Variants in MAP2 observed in about 807,000 individuals in gnomAD.
The protein encoded by MAP2 is microtubule-associated protein 2.
In MAP2, 14 loss-of-function variants were observed where a neutral mutation model predicts 137.6. That is an observed-to-expected ratio of 0.10 (90% CI 0.07 to 0.16). MAP2 has a LOEUF of 0.16. Ranked by LOEUF, MAP2 falls within the 10% of genes least tolerant of loss-of-function variation. The pLI is 1.00. For missense variants in MAP2, 2,088 were observed against 2,191.5 expected (o/e 0.95, Z 0.94); for synonymous variants, 786 against 782.3 (o/e 1.00, Z -0.08).
chr2:209,540,887 C>T (rs1485493045), intron 2 of MAP2, among the ~76,000 whole-genome samples: 3 of 150,496 alleles, frequency 2.0e-5, no homozygotes, highest in East Asian at 1.9e-4. Context: ...CTAGCTGCCA[C>T]GATAAAGCAA....
intron 7 of MAP2, among the ~76,000 whole-genome samples, chr2:209,686,163 C>T (rs1226690883): frequency 1.3e-5 from 2 of 152,130 alleles, no homozygotes; most frequent in African/African-American, 4.8e-5. Flanking sequence ...TGCTCAGCTG[C>T]GAAATCGTGC....
intron 15 of MAP2, 44 bp downstream of exon 15, chr2:209,730,006 A>C: frequency 7.1e-7 from 1 of 1,415,446 alleles, no homozygotes; most frequent in Non-Finnish European, 9.9e-7. Flanking sequence ...TTTAAAAAAA[A>C]TTCTTCTGAA....
At chr2:209,680,618 A>G (rs1004863706) in intron 6 of MAP2, 132 bp from the exon 7 acceptor site, 1 of 748,384 alleles carries the variant, frequency 1.3e-6, no homozygotes, top group Non-Finnish European at 2.3e-6. Flanking sequence ...AATAAACCAA[A>G]TGCGGCTTAC....
chr2:209,458,884 T>A (rs1264333919), intron 1 of MAP2, among the ~76,000 whole-genome samples: 2 of 152,080 alleles, frequency 1.3e-5, no homozygotes, highest in Non-Finnish European at 2.9e-5. Context: ...AGTCTTTTCA[T>A]ATGTCAAGCA....
At chr2:209,662,821 G>A (rs571783907) in intron 5 of MAP2, among the ~76,000 whole-genome samples, 1 of 151,592 alleles carries the variant, frequency 6.6e-6, no homozygotes, top group South Asian at 2.1e-4. Context: ...ATATTTCGGA[G>A]TATTTTCTCC....
chr2:209,570,222 A>AT (rs2074162063), intron 2 of MAP2, among the ~76,000 whole-genome samples: 1 of 151,878 alleles, frequency 6.6e-6, no homozygotes, highest in Non-Finnish European at 1.5e-5. Context: ...TGTTTAATTT[A>AT]TCTCTTCCCT....
intron 1 of MAP2, among the ~76,000 whole-genome samples, chr2:209,500,096 T>A (rs1368944375): frequency 6.6e-6 from 1 of 152,206 alleles, no homozygotes; most frequent in African/African-American, 2.4e-5. Flanking sequence ...CCTGGACTTC[T>A]GAAGGAGCCA....
chr2:209,725,818 G>A, intron 14 of MAP2, 28 bp downstream of exon 14: 1 of 1,480,748 alleles, frequency 6.8e-7, no homozygotes, highest in Non-Finnish European at 9.2e-7. Context: ...AGTAGTTTGA[G>A]AAATATTTAA....
chr2:209,477,268 A>G (rs1442516605), intron 1 of MAP2, among the ~76,000 whole-genome samples: 1 of 152,206 alleles, frequency 6.6e-6, no homozygotes, highest in Admixed American at 6.5e-5. Flanking sequence ...AGGGTATGCC[A>G]TAGCCTGGGC....
chr2:209,709,679 A>C (rs2064778478), intron 12 of MAP2, among the ~76,000 whole-genome samples: 1 of 152,172 alleles, frequency 6.6e-6, no homozygotes. Context: ...TCAGAAAAAA[A>C]AAATCAGGTT....
At position 209,590,686 on chromosome 2, in the gene MAP2, A is replaced by G. The variant is rs142077938; in HGVS notation, c.-107+10586A>G. ...GAAAGTTGACTTCCTTAGTCATACC[A>G]TGTTTCAAGCGCTTGATAGCCACAT... On this transcript the variant is annotated intron_variant, in intron 3 of 15. Coordinates refer to ENST00000682079, the MANE Select transcript of MAP2 (RefSeq NM_001375505.1). 9.5e-4 allele frequency among the ~76,000 whole-genome samples: 145 copies of G among 152,334 alleles called. 2 individuals carry two copies. The East Asian group carries it at 0.026, about 27-fold the overall frequency.
chr2:209,631,640 A>G (rs1476114082), intron 4 of MAP2, among the ~76,000 whole-genome samples: 1 of 152,082 alleles, frequency 6.6e-6, no homozygotes, highest in Non-Finnish European at 1.5e-5. Flanking sequence ...GCAGCATAAT[A>G]CCTGCCTAAT....
rs2053005586 is a variant in MAP2, at chr2:209,678,507, A to G, written c.263-65A>G. On this transcript the variant is annotated intron_variant, in intron 5 of 15. Transcript: ENST00000682079. Reference sequence around the variant, plus strand: ...TTATAATCCACTATACTGTTTGGTTACTTTTCCTCTTTGCTTTCTCAGACT... The same window carrying G: ...TTATAATCCACTATACTGTTTGGTTGCTTTTCCTCTTTGCTTTCTCAGACT... 1.6e-5 allele frequency: 12 copies of G among 772,608 alleles called. No homozygotes were observed. The South Asian group carries it at 2.5e-4, about 16-fold the overall frequency. 47.9% of individuals were successfully genotyped at this position (772,608 alleles called of 1,614,324 possible).
rs979036825 is a variant in MAP2, at chr2:209,515,511, T to C, written c.-172+7870T>C. On this transcript the variant is annotated intron_variant, in intron 2 of 15. Transcript: ENST00000682079. ...CTTCACAAGGTGGCAGGAGGGAGTA[T>C]GTGCGAGCACGATGAAGTGCCTCAC... 2.6e-5 allele frequency among the ~76,000 whole-genome samples: 4 copies of C among 152,052 alleles called. No homozygotes were observed. The South Asian group carries it at 6.2e-4, about 24-fold the overall frequency.
chr2:209,508,861 T>TA (rs34243647), intron 2 of MAP2, among the ~76,000 whole-genome samples: 8,904 of 152,082 alleles, frequency 0.059, 298 homozygotes, highest in South Asian at 0.092. Context: ...TATTCACTTC[T>TA]GCATATGCTA....
At position 209,689,599 on chromosome 2, in the gene MAP2, A is replaced by G. The variant is rs865915239; in HGVS notation, c.455-3026A>G. Among the ~76,000 whole-genome samples the G allele has an allele frequency of 5.0e-4, 76 of 152,282 alleles. No individual in the cohort carries two copies. In the Middle Eastern group the frequency reaches 0.01, roughly 20 times the overall value. On this transcript the variant is annotated intron_variant, in intron 7 of 15. Transcript: ENST00000682079. ...ATGAACTTGAAAAGTTTATCTTTAC[A>G]TCTTAAATGTTAACTTTTTTATGTG...
intron 4 of MAP2, among the ~76,000 whole-genome samples, chr2:209,652,153 T>C (rs2094846069): frequency 6.6e-6 from 1 of 152,188 alleles, no homozygotes; most frequent in Non-Finnish European, 1.5e-5. Context: ...ATTATATATC[T>C]AAACTTGGTA....
At chr2:209,540,630 CAAAAAAAAAAAA>C (rs749183996) in intron 2 of MAP2, among the ~76,000 whole-genome samples, 2,334 of 27,712 alleles carry the variant, frequency 0.084, 84 homozygotes, top group Middle Eastern at 0.35. Context: ...GACTCCGTCT[CAAAAAAAAAAAA>C]AAAAAAAAAA....
At chr2:209,714,420 C>T (rs2066714153) in intron 13 of MAP2, among the ~76,000 whole-genome samples, 1 of 152,170 alleles carries the variant, frequency 6.6e-6, no homozygotes, top group Non-Finnish European at 1.5e-5. Flanking sequence ...TACAGTCAGT[C>T]ATTTTCAGGT....
Sources: gnomAD v4.1 joint callset for allele counts (sites outside exome capture counted in the v4.1 genomes callset) on GRCh38, gnomAD v4.1.1 for gene constraint, MANE v1.5 for transcripts, NCBI Gene and HGNC (gene_info 2026-07-23, HGNC 2026-07-21) for gene names.